PRKN: variants seen among roughly 807,000 people sequenced by gnomAD.
PRKN encodes E3 ubiquitin-protein ligase parkin.
PRKN carries 56 observed loss-of-function variants against 59.5 expected under a neutral mutation model. That is an observed-to-expected ratio of 0.94 (90% CI 0.76 to 1.18). The LOEUF is 1.18. PRKN is among the 50% of genes most tolerant of loss of function. PRKN has a pLI of 0.00. For missense variants in PRKN, 657 were observed against 596.4 expected (o/e 1.10, Z -1.06); for synonymous variants, 250 against 222.1 (o/e 1.13, Z -1.12).
chr6:162,402,171 C>A (rs2056908), intron 2 of PRKN, among the ~76,000 whole-genome samples: 36,885 of 151,202 alleles, frequency 0.24, 4,520 homozygotes, highest in African/African-American at 0.26. Context: ...ATCGCTTGAA[C>A]CCAGAAAGCA....
At chr6:162,408,608 A>C (rs1020500486) in intron 2 of PRKN, among the ~76,000 whole-genome samples, 1 of 152,198 alleles carries the variant, frequency 6.6e-6, no homozygotes, top group Non-Finnish European at 1.5e-5. Flanking sequence ...AGATAGTGAG[A>C]AATAAGTTCT....
chr6:161,443,868 C>T (rs1470385821), intron 9 of PRKN, among the ~76,000 whole-genome samples: 2 of 152,200 alleles, frequency 1.3e-5, no homozygotes, highest in East Asian at 1.9e-4. Flanking sequence ...ACAGATGCCT[C>T]TCTAAACGTC....
At chr6:161,469,806 A>G (rs1168128790) in intron 9 of PRKN, among the ~76,000 whole-genome samples, 3 of 152,218 alleles carry the variant, frequency 2.0e-5, no homozygotes, top group Non-Finnish European at 4.4e-5. Context: ...TGTTGTTTTC[A>G]GCCATGACAT....
At chr6:162,400,861 T>C (rs1787758047) in intron 2 of PRKN, among the ~76,000 whole-genome samples, 2 of 152,192 alleles carry the variant, frequency 1.3e-5, no homozygotes, top group South Asian at 4.1e-4. Flanking sequence ...AACTACTATA[T>C]ACATCATACT....
intron 9 of PRKN, among the ~76,000 whole-genome samples, chr6:161,536,945 T>C (rs925204538): frequency 1.3e-5 from 2 of 152,210 alleles, no homozygotes; most frequent in African/African-American, 4.8e-5. Flanking sequence ...TCCATCCCAT[T>C]ACAGGAAGTT....
At chr6:161,741,791 T>C (rs1056367650) in intron 7 of PRKN, among the ~76,000 whole-genome samples, 4 of 152,070 alleles carry the variant, frequency 2.6e-5, no homozygotes, top group Admixed American at 2.0e-4. Flanking sequence ...CCATGTGATA[T>C]GGTTTGGCTG....
intron 1 of PRKN, among the ~76,000 whole-genome samples, chr6:162,700,817 G>A (rs1014618483): frequency 6.6e-6 from 1 of 151,640 alleles, no homozygotes; most frequent in Non-Finnish European, 1.5e-5. Flanking sequence ...CACTATAAAA[G>A]CACTTTTATA....
intron 3 of PRKN, among the ~76,000 whole-genome samples, chr6:162,213,024 T>C (rs1034827182): frequency 6.6e-6 from 1 of 152,156 alleles, no homozygotes; most frequent in Non-Finnish European, 1.5e-5. Context: ...TGTCTTTATG[T>C]GGTGCATGAC....
At chr6:161,508,136 C>T (rs563666711) in intron 9 of PRKN, among the ~76,000 whole-genome samples, 2 of 152,290 alleles carry the variant, frequency 1.3e-5, no homozygotes, top group Non-Finnish European at 2.9e-5. Flanking sequence ...CAATCACAGA[C>T]TACAAAAGAA....
At chr6:162,375,156 T>C (rs1785992406) in intron 2 of PRKN, among the ~76,000 whole-genome samples, 1 of 152,104 alleles carries the variant, frequency 6.6e-6, no homozygotes, top group Admixed American at 6.6e-5. Flanking sequence ...TATTTTAAAC[T>C]ATGGAAAAAG....
chr6:161,833,773 G>T (rs1294522131), intron 6 of PRKN, among the ~76,000 whole-genome samples: 1 of 152,182 alleles, frequency 6.6e-6, no homozygotes, highest in African/African-American at 2.4e-5. Context: ...AGTGGACACA[G>T]AGGTGGAGAA....
rs1157340051 is a variant in PRKN at position 161,448,826 on chromosome 6, C to A, written c.1084-61949G>T. On this transcript the variant is annotated intron_variant, in intron 9 of 11. Coordinates refer to ENST00000366898, the MANE Select transcript of PRKN (RefSeq NM_004562.3). The surrounding 1 kb of genome is among the most constrained non-coding windows in gnomAD (Gnocchi z 5.1). The stretch of plus-strand genomic sequence containing the variant: ...TGGACAATCCTTATAAGCTGGAGTC[C>A]AAGTTAACCTTCCCAAATGAGTGGC... Among the ~76,000 whole-genome samples the A allele has an allele frequency of 6.6e-6, 1 of 152,140 alleles. No homozygotes were observed. Among genetic ancestry groups the A allele is most frequent in the Non-Finnish European group, 1.5e-5 (1 of 68,028 alleles).
intron 3 of PRKN, among the ~76,000 whole-genome samples, chr6:162,216,762 C>T (rs1355967669): frequency 6.6e-6 from 1 of 152,008 alleles, no homozygotes; most frequent in Non-Finnish European, 1.5e-5. Flanking sequence ...ACAGTGAGCC[C>T]ATCATGAGAT....
At chr6:162,332,116 G>C (rs985465469) in intron 2 of PRKN, among the ~76,000 whole-genome samples, 2 of 152,210 alleles carry the variant, frequency 1.3e-5, no homozygotes, top group Admixed American at 6.5e-5. Flanking sequence ...ATTAATCCAG[G>C]CATGTGGTTT....
At chr6:162,100,443 GTCTT>G (rs1478287839) in intron 4 of PRKN, among the ~76,000 whole-genome samples, 2 of 148,238 alleles carry the variant, frequency 1.3e-5, no homozygotes, top group East Asian at 2.0e-4. Context: ...ATTATCTCTT[GTCTT>G]TCTTGTCTTT....
chr6:161,813,971 A>G (rs1791663942), intron 6 of PRKN, among the ~76,000 whole-genome samples: 1 of 152,210 alleles, frequency 6.6e-6, no homozygotes, highest in Non-Finnish European at 1.5e-5. Flanking sequence ...CCCAATTCAA[A>G]GGGTCTAAAA....
intron 1 of PRKN, among the ~76,000 whole-genome samples, chr6:162,566,857 T>A (rs1780106034): frequency 6.6e-6 from 1 of 152,202 alleles, no homozygotes; most frequent in African/African-American, 2.4e-5. Flanking sequence ...ATATTTCTGA[T>A]GAATATTGAT....
intron 3 of PRKN, among the ~76,000 whole-genome samples, chr6:162,205,891 C>T (rs572417432): frequency 6.6e-6 from 1 of 152,174 alleles, no homozygotes; most frequent in East Asian, 1.9e-4. Flanking sequence ...GTAGCAGCTA[C>T]CAAACTAGAA....
Position 162,545,430 on chromosome 6 carries a change from G to A in PRKN, c.8-101957C>T, listed in dbSNP as rs114018599. On this transcript the variant is annotated intron_variant, in intron 1 of 11. Transcript: ENST00000366898. ...TACACAGAAATTTGCTCCACTTCCCGGAAAAGGCAAATAAAACATACCAGG... is the reference window on the plus strand; with the variant it reads ...TACACAGAAATTTGCTCCACTTCCCAGAAAAGGCAAATAAAACATACCAGG... Among the ~76,000 whole-genome samples the A allele has an allele frequency of 8.5e-3, 1,299 of 152,202 alleles. 20 individuals carry two copies. Among genetic ancestry groups the A allele is most frequent in the African/African-American group, 0.029 (1,223 of 41,530 alleles).
Sources: gnomAD v4.1 joint callset for allele counts (sites outside exome capture counted in the v4.1 genomes callset) on GRCh38, gnomAD v4.1.1 for gene constraint, Gnocchi (gnomAD v3.1) non-coding constraint, MANE v1.5 for transcripts, NCBI Gene and HGNC (gene_info 2026-07-23, HGNC 2026-07-21) for gene names.